NEU3: variants seen among roughly 807,000 people sequenced by gnomAD.
NEU3 encodes neuraminidase 3.
Under a neutral mutation model 11.4 loss-of-function variants are expected in NEU3, and 10 were observed. The observed-to-expected ratio is 0.88, with a 90% CI of 0.54 to 1.49. The LOEUF (loss-of-function observed/expected upper bound fraction) is 1.49. Among genes scored for constraint, NEU3 ranks in the 40% most tolerant of loss-of-function variants. The pLI is 0.00. For synonymous variants in NEU3, 212 were observed against 228.2 expected (o/e 0.93, Z 0.64); for missense variants, 529 against 581.8 (o/e 0.91, Z 0.93).
At chr11:74,993,488 G>A (rs1001039579) in intron 1 of NEU3, among the ~76,000 whole-genome samples, 1 of 152,190 alleles carries the variant, frequency 6.6e-6, no homozygotes, top group African/African-American at 2.4e-5. Context: ...ACAGGTGTGA[G>A]CCACCACGCC....
Position 75,006,465 on chromosome 11 carries a change from G to A in NEU3, c.1359G>A (p.Arg453=). ...AGGGGGACTGCACCAGCCCTGGTAGGAACCCAAGCCAATTCAAAAGCAATT... is the reference window on the plus strand; with the variant it reads ...AGGGGGACTGCACCAGCCCTGGTAGAAACCCAAGCCAATTCAAAAGCAATT... ...HLQGDCTSPG[R]NPSQFKSN is the part of the protein sequence containing the mutation. Residue 453 remains arginine (R), a synonymous_variant, in exon 3 of 3, where the codon AGG becomes AGA. Coordinates refer to ENST00000294064, the MANE Select transcript of NEU3 (RefSeq NM_006656.6). The A allele has an allele frequency of 6.2e-7, 1 of 1,612,834 alleles. No individual in the cohort carries two copies. Among genetic ancestry groups the A allele is most frequent in the Non-Finnish European group, 8.5e-7 (1 of 1,179,290 alleles).
At chr11:74,994,810 A>G (rs1392772510) in intron 2 of NEU3, 90 bp downstream of exon 2, 1 of 1,220,460 alleles carries the variant, frequency 8.2e-7, no homozygotes, top group Non-Finnish European at 1.2e-6. Flanking sequence ...TCTCATCAGT[A>G]CAGGAAAGCC....
downstream of NEU3, among the ~76,000 whole-genome samples, chr11:75,013,223 G>A (rs1447113074): frequency 6.6e-6 from 1 of 152,184 alleles, no homozygotes; most frequent in African/African-American, 2.4e-5. Context: ...GCTCTATCAT[G>A]AGCACAACCC....
At chr11:74,998,877 T>C (rs1196633048) in intron 2 of NEU3, among the ~76,000 whole-genome samples, 1 of 152,232 alleles carries the variant, frequency 6.6e-6, no homozygotes, top group Non-Finnish European at 1.5e-5. Flanking sequence ...TACAGCCCAG[T>C]AGTACTTGGG....
intron 2 of NEU3, among the ~76,000 whole-genome samples, chr11:75,003,061 G>A (rs996870084): frequency 2.6e-5 from 4 of 152,106 alleles, no homozygotes; most frequent in Admixed American, 6.5e-5. Context: ...CATTTTGTTG[G>A]GTATGTAGCT....
Position 74,991,108 on chromosome 11 carries a change from G to T in NEU3, c.94+1954G>T, listed in dbSNP as rs759713143. On this transcript the variant is annotated intron_variant, in intron 1 of 2. Transcript: ENST00000294064. ...TGAATAACATGCCCAAGGTCACATA[G>T]TCCTGGCCTGGTCCAAATCCTATGT... is the stretch of plus-strand genomic sequence containing the variant. 2.0e-5 allele frequency among the ~76,000 whole-genome samples: 3 copies of T among 152,198 alleles called. No homozygotes were observed. In the South Asian group the frequency reaches 6.2e-4, roughly 32 times the overall value.
Position 75,000,776 on chromosome 11 carries a change from A to AATTTATTTATTT in NEU3, c.307-4605_307-4594dup, listed in dbSNP as rs61008511. 5.4e-3 allele frequency among the ~76,000 whole-genome samples: 730 copies of AATTTATTTATTT among 134,508 alleles called. 4 individuals are homozygous for AATTTATTTATTT. Among genetic ancestry groups the AATTTATTTATTT allele is most frequent in the Middle Eastern group, 7.4e-3 (2 of 272 alleles). 88.2% of individuals were successfully genotyped at this position (134,508 alleles called of 152,430 possible). On this transcript the variant is annotated intron_variant, in intron 2 of 2. Coordinates refer to ENST00000294064, the MANE Select transcript of NEU3 (RefSeq NM_006656.6). ...CAAGTGTGTGCCACCATACCCAGCT[A>AATTTATTTATTT]ATTTATTTATTTATTTATTTATTTA... is the stretch of plus-strand genomic sequence containing the variant.
At chr11:74,989,449 T>C (rs936809848) in intron 1 of NEU3, among the ~76,000 whole-genome samples, 1 of 152,074 alleles carries the variant, frequency 6.6e-6, no homozygotes, top group Non-Finnish European at 1.5e-5. Flanking sequence ...TGAGCTTCAG[T>C]TTCAACTTAG....
At chr11:74,983,360 CA>C (rs2140225981), upstream of NEU3, among the ~76,000 whole-genome samples, 2 of 152,258 alleles carry the variant, frequency 1.3e-5, no homozygotes, top group South Asian at 4.1e-4. Flanking sequence ...CATACAACCG[CA>C]AGAGGAAAAG....
chr11:74,981,177 C>T, the NEU3 span, among the ~76,000 whole-genome samples: 3 of 152,180 alleles, frequency 2.0e-5, no homozygotes, highest in Admixed American at 6.5e-5. Context: ...CATAAAAGAT[C>T]ATTAGCCCTT....
chr11:74,982,921 G>C, the NEU3 span, among the ~76,000 whole-genome samples: 1 of 152,030 alleles, frequency 6.6e-6, no homozygotes, highest in Non-Finnish European at 1.5e-5. Context: ...CACACTTCTG[G>C]CTGTGGAAAT....
chr11:74,988,855 T>G (rs941030713), upstream of NEU3: 1 of 557,790 alleles, frequency 1.8e-6, no homozygotes, highest in East Asian at 3.3e-5. Flanking sequence ...GCTCGCGGAG[T>G]AGGCCAACGG....
intron 1 of NEU3, chr11:74,990,066 A>G: frequency 1.4e-6 from 1 of 700,872 alleles, no homozygotes; most frequent in Non-Finnish European, 2.6e-6. Flanking sequence ...TAATGGCTCT[A>G]ATTGTTATAG....
upstream of NEU3, chr11:74,988,671 T>G: frequency 7.6e-6 from 2 of 264,584 alleles, no homozygotes; most frequent in African/African-American, 2.3e-5. Context: ...TACAGACCAA[T>G]ATAAGAGCTC....
intron 2 of NEU3, among the ~76,000 whole-genome samples, chr11:74,998,905 T>C (rs1948817456): frequency 1.3e-5 from 2 of 152,228 alleles, no homozygotes. Flanking sequence ...CTCTTTCCTT[T>C]CTTCTAGGAC....
intron 2 of NEU3, among the ~76,000 whole-genome samples, chr11:75,002,316 G>A (rs1456567383): frequency 2.0e-5 from 3 of 152,166 alleles, no homozygotes; most frequent in Non-Finnish European, 2.9e-5. Context: ...TCTATGATCT[G>A]CGCCTGCTTA....
downstream of NEU3, among the ~76,000 whole-genome samples, chr11:75,015,850 A>T (rs1948978767): frequency 6.6e-6 from 1 of 152,216 alleles, no homozygotes; most frequent in Non-Finnish European, 1.5e-5. Context: ...CTCATGACAT[A>T]ATAATTACCT....
downstream of NEU3, among the ~76,000 whole-genome samples, chr11:75,012,617 T>C (rs911476423): frequency 6.6e-6 from 1 of 152,198 alleles, no homozygotes; most frequent in Non-Finnish European, 1.5e-5. Context: ...CACAATGTAA[T>C]ATATCAGAAG....
At chr11:75,020,105 C>T (rs534800046), downstream of NEU3, among the ~76,000 whole-genome samples, 14 of 152,148 alleles carry the variant, frequency 9.2e-5, no homozygotes, top group South Asian at 4.1e-4. Context: ...TGCTGGATTT[C>T]GGACTTGCAT....
Sources: allele counts gnomAD v4.1 joint callset (sites outside exome capture counted in the v4.1 genomes callset), GRCh38; gene constraint gnomAD v4.1.1; transcripts MANE v1.5; gene names NCBI Gene and HGNC (gene_info 2026-07-23, HGNC 2026-07-21).